NELL2: variants seen among roughly 807,000 people sequenced by gnomAD.
The protein encoded by NELL2 is protein kinase C-binding protein NELL2.
In NELL2, 41 loss-of-function variants were observed where a neutral mutation model predicts 109.6. The ratio of observed to expected loss-of-function variants is 0.37; its 90% CI spans 0.29 to 0.49. The LOEUF is 0.49. Among genes scored for constraint, NELL2 ranks in the 20% least tolerant of loss-of-function variants. The probability of loss-of-function intolerance (pLI) is 0.98; values close to 1 mark genes in which losing one functional copy is unlikely to be tolerated. For synonymous variants in NELL2, 355 were observed against 344.7 expected, an observed-to-expected ratio of 1.03 and a Z score of -0.33; for missense variants, 900 against 1,008.3, an observed-to-expected ratio of 0.89 and a Z score of 1.45.
chr12:44,654,625 T>G (rs1947427015), intron 13 of NELL2, among the ~76,000 whole-genome samples: 1 of 152,036 alleles, frequency 6.6e-6, no homozygotes, highest in South Asian at 2.1e-4. Context: ...AAGGAAACAC[T>G]CTTCAAGCAG....
chr12:44,739,499 A>G (rs1447840312), intron 9 of NELL2, among the ~76,000 whole-genome samples: 1 of 152,238 alleles, frequency 6.6e-6, no homozygotes, highest in East Asian at 1.9e-4. Flanking sequence ...CTTGTGGCTA[A>G]GAATAGCTCC....
chr12:44,626,063 G>T (rs1051338838), intron 13 of NELL2, among the ~76,000 whole-genome samples: 1 of 151,860 alleles, frequency 6.6e-6, no homozygotes, highest in South Asian at 2.1e-4. Flanking sequence ...GTTTAAAAGC[G>T]CATGATTTAA....
At chr12:44,762,794 T>A (rs1471909429) in intron 9 of NELL2, among the ~76,000 whole-genome samples, 1 of 152,236 alleles carries the variant, frequency 6.6e-6, no homozygotes, top group Non-Finnish European at 1.5e-5. Context: ...ATCTCCCTGA[T>A]GGTAGAATTT....
intron 9 of NELL2, among the ~76,000 whole-genome samples, chr12:44,730,557 A>C (rs1296812793): frequency 6.6e-6 from 1 of 152,136 alleles, no homozygotes; most frequent in African/African-American, 2.4e-5. Context: ...AAAAAATCAA[A>C]AAAGAAATTT....
intron 15 of NELL2, among the ~76,000 whole-genome samples, chr12:44,540,612 G>C (rs1343135539): frequency 6.6e-6 from 1 of 150,504 alleles, no homozygotes; most frequent in Non-Finnish European, 1.5e-5. Flanking sequence ...AAAGGGCAGA[G>C]TGAATGTTTG....
intron 12 of NELL2, among the ~76,000 whole-genome samples, chr12:44,669,577 G>C (rs1033887987): frequency 6.6e-6 from 1 of 151,764 alleles, no homozygotes; most frequent in Admixed American, 6.6e-5. Context: ...AATCCTAAAA[G>C]GCAATGACTG....
intron 4 of NELL2, 42 bp from the exon 5 acceptor site, chr12:44,779,801 T>A (rs1322176244): frequency 2.5e-6 from 4 of 1,613,252 alleles, no homozygotes; most frequent in Non-Finnish European, 3.4e-6. Flanking sequence ...GAGTAGACAG[T>A]CATTTCTTAG....
At position 44,752,183 on chromosome 12, in the gene NELL2, A is replaced by G. The variant is rs114687639; in HGVS notation, c.994+22564T>C. ...GGCTACTCTTGAATTGATTCAAATT[A>G]TAAAGTTAGCAGAGGAGTTACTATA... On this transcript the variant is annotated intron_variant, in intron 9 of 19. Transcript: ENST00000429094. Among the ~76,000 whole-genome samples, 795 of 152,346 alleles carry G rather than the reference A, an allele frequency of 5.2e-3. 8 individuals are homozygous for G. The highest frequency in any genetic ancestry group is 0.018 in the African/African-American group (744 of 41,578).
intron 1 of NELL2, among the ~76,000 whole-genome samples, chr12:44,890,610 G>A (rs1030203531): frequency 5.3e-5 from 8 of 151,910 alleles, no homozygotes; most frequent in Admixed American, 4.6e-4. Flanking sequence ...AGTCAATCAC[G>A]TCTATGTTTT....
At chr12:44,725,697 T>C (rs1351223564) in intron 9 of NELL2, among the ~76,000 whole-genome samples, 3 of 152,130 alleles carry the variant, frequency 2.0e-5, no homozygotes, top group Non-Finnish European at 4.4e-5. Flanking sequence ...ATGTCTGTTG[T>C]GGGAACATGG....
intron 3 of NELL2, among the ~76,000 whole-genome samples, chr12:44,794,493 G>T (rs972538115): frequency 6.6e-6 from 1 of 152,090 alleles, no homozygotes; most frequent in Non-Finnish European, 1.5e-5. Context: ...TCCTTGTGCT[G>T]GCAGCAACAG....
At chr12:44,569,031 C>T (rs1020505907) in intron 15 of NELL2, among the ~76,000 whole-genome samples, 1 of 152,126 alleles carries the variant, frequency 6.6e-6, no homozygotes, top group African/African-American at 2.4e-5. Context: ...TCTCCCTACT[C>T]CCACCTTCCA....
chr12:44,588,549 A>C (rs1036832801), intron 15 of NELL2, among the ~76,000 whole-genome samples: 1 of 152,220 alleles, frequency 6.6e-6, no homozygotes, highest in Admixed American at 6.5e-5. Context: ...CACTGAAAGT[A>C]ATCAGTGTGT....
chr12:44,604,273 G>A (rs188218122), intron 15 of NELL2, among the ~76,000 whole-genome samples: 90 of 152,120 alleles, frequency 5.9e-4, no homozygotes, highest in Admixed American at 1.7e-3. Flanking sequence ...AGAGGAAGGA[G>A]TGAGAGAAAG....
intron 2 of NELL2, among the ~76,000 whole-genome samples, chr12:44,872,853 CA>C (rs1480972512): frequency 6.6e-6 from 1 of 152,188 alleles, no homozygotes; most frequent in African/African-American, 2.4e-5. Flanking sequence ...GCAGCACCCT[CA>C]ACTCACTGTA....
intron 1 of NELL2, among the ~76,000 whole-genome samples, chr12:44,882,011 G>T (rs550311807): frequency 1.3e-5 from 2 of 151,978 alleles, no homozygotes; most frequent in East Asian, 3.9e-4. Flanking sequence ...TGTCATCCCA[G>T]AATTCTCTAT....
At chr12:44,863,678 A>G (rs760176565) in intron 2 of NELL2, among the ~76,000 whole-genome samples, 16 of 152,200 alleles carry the variant, frequency 1.1e-4, no homozygotes, top group Non-Finnish European at 1.9e-4. Flanking sequence ...TCAAGCTCAA[A>G]GAAAAGGATG....
chr12:44,803,195 G>T (rs1314181506), intron 3 of NELL2, among the ~76,000 whole-genome samples: 1 of 151,018 alleles, frequency 6.6e-6, no homozygotes, highest in Admixed American at 6.6e-5. Context: ...GACCATAGAG[G>T]ATATCAGAGA....
At chr12:44,617,549 G>A (rs1396472695) in intron 13 of NELL2, among the ~76,000 whole-genome samples, 7 of 135,482 alleles carry the variant, frequency 5.2e-5, no homozygotes, top group South Asian at 2.1e-4. Flanking sequence ...AAAATTAGCC[G>A]GGCGTAGTGG....
Sources: gnomAD v4.1 joint callset for allele counts (sites outside exome capture counted in the v4.1 genomes callset) on GRCh38, gnomAD v4.1.1 for gene constraint, MANE v1.5 for transcripts, NCBI Gene and HGNC (gene_info 2026-07-23, HGNC 2026-07-21) for gene names.